Variants in TTC28 observed in about 807,000 individuals in gnomAD.
The protein encoded by TTC28 is tetratricopeptide repeat domain 28.
A neutral mutation model predicts 198.0 loss-of-function variants in TTC28; 61 were observed. The observed-to-expected ratio is 0.31, with a 90% CI of 0.25 to 0.38. The LOEUF (loss-of-function observed/expected upper bound fraction) is 0.38. TTC28 is among the 10% of genes least tolerant of loss of function. TTC28 has a pLI of 1.00. For missense variants in TTC28, 2,678 were observed against 3,164.0 expected (o/e 0.85, Z 3.69); for synonymous variants, 1,171 against 1,297.8 (o/e 0.90, Z 2.10).
In TTC28 at chr22:28,001,493, C is replaced by G. The variant is rs548381923; in HGVS notation, c.4279G>C (p.Gly1427Arg). Residue 1427 changes from glycine (G) to arginine (R), a missense_variant, in exon 15 of 23, where the codon GGG (glycine) becomes CGG (arginine). Physicochemically the swap from Gly to Arg is moderately radical, Grantham distance 125. Around this residue, in one of 8 missense-constraint regions of TTC28, gnomAD observed 727 missense variants for 861.9 expected, o/e 0.84. Transcript: ENST00000397906. ...GCGAAAGGAATGAGGTAGAGCTCCC[C>G]CTCCAGAACCAGGATGAGCTGCCGG... ...RHRQLILVLE[G>R]ELYLIPFALL... 9.2e-4 allele frequency: 1,422 copies of G among 1,551,516 alleles called. 23 individuals are homozygous for G. In the South Asian group the frequency reaches 0.012, roughly 13 times the overall value.
rs543035953 is a variant in TTC28 at position 28,328,495 on chromosome 22, T to A, written c.382-21852A>T. Among the ~76,000 whole-genome samples, 34 of 152,142 alleles carry A rather than the reference T, an allele frequency of 2.2e-4. 1 individual carries two copies. In the Middle Eastern group the frequency reaches 0.014, roughly 61 times the overall value. Reference sequence around the variant, plus strand: ...AGGGCCAGGCGTGATGGCTCACGTCTGTAATCCTAGCACTCTGGGAGGCCG... The same window carrying A: ...AGGGCCAGGCGTGATGGCTCACGTCAGTAATCCTAGCACTCTGGGAGGCCG... On this transcript the variant is annotated intron_variant, in intron 2 of 22. Coordinates refer to ENST00000397906, the MANE Select transcript of TTC28 (RefSeq NM_001145418.2).
At chr22:28,418,711 A>G (rs1230088922) in intron 2 of TTC28, among the ~76,000 whole-genome samples, 1 of 152,194 alleles carries the variant, frequency 6.6e-6, no homozygotes, top group African/African-American at 2.4e-5. Flanking sequence ...ATTTTTATCT[A>G]TTTAACAAAT....
chr22:28,647,815 G>A (rs2051494841), intron 1 of TTC28, among the ~76,000 whole-genome samples: 1 of 151,660 alleles, frequency 6.6e-6, no homozygotes, highest in Non-Finnish European at 1.5e-5. Context: ...CTCCAGCCTG[G>A]GCGACAGAGT....
chr22:28,406,617 C>T (rs1343505598), intron 2 of TTC28, among the ~76,000 whole-genome samples: 5 of 152,148 alleles, frequency 3.3e-5, no homozygotes, highest in Non-Finnish European at 7.4e-5. Context: ...TGAAGTCTGG[C>T]ACTAGTAAAC....
At chr22:28,414,145 T>G (rs1333046011) in intron 2 of TTC28, among the ~76,000 whole-genome samples, 1 of 152,222 alleles carries the variant, frequency 6.6e-6, no homozygotes, top group Non-Finnish European at 1.5e-5. Flanking sequence ...TCATTTCTCT[T>G]CCAAGTAAAA....
At chr22:28,675,769 A>ACACACACC in intron 1 of TTC28, among the ~76,000 whole-genome samples, 1 of 151,278 alleles carries the variant, frequency 6.6e-6, no homozygotes, top group Non-Finnish European at 1.5e-5. Context: ...ACACACACAC[A>ACACACACC]CACACAATGT....
chr22:28,453,276 T>G (rs1300596808), intron 2 of TTC28, among the ~76,000 whole-genome samples: 1 of 152,224 alleles, frequency 6.6e-6, no homozygotes. Flanking sequence ...AGATTTTGTT[T>G]ATATTAAAAC....
At chr22:28,072,834 A>G (rs979394471) in intron 12 of TTC28, among the ~76,000 whole-genome samples, 2 of 152,194 alleles carry the variant, frequency 1.3e-5, no homozygotes, top group Non-Finnish European at 2.9e-5. Context: ...ATAGAGTGGG[A>G]CACACAATGG....
At chr22:28,285,494 G>T (rs950794967) in intron 5 of TTC28, among the ~76,000 whole-genome samples, 1 of 152,056 alleles carries the variant, frequency 6.6e-6, no homozygotes, top group Non-Finnish European at 1.5e-5. Context: ...CACACAGTAT[G>T]GTGACTATCG....
intron 5 of TTC28, among the ~76,000 whole-genome samples, chr22:28,269,983 G>A (rs1012017210): frequency 3.3e-5 from 5 of 152,132 alleles, no homozygotes; most frequent in African/African-American, 9.7e-5. Flanking sequence ...GGGGACCACT[G>A]GTAAGAACTG....
intron 13 of TTC28, among the ~76,000 whole-genome samples, chr22:28,021,622 T>C (rs1427771446): frequency 1.3e-5 from 2 of 152,182 alleles, no homozygotes; most frequent in Non-Finnish European, 2.9e-5. Context: ...CAAGGCCCGA[T>C]AGCAGCTGTG....
intron 12 of TTC28, among the ~76,000 whole-genome samples, chr22:28,045,622 C>T (rs1478187408): frequency 1.3e-5 from 2 of 152,104 alleles, no homozygotes; most frequent in Non-Finnish European, 2.9e-5. Context: ...ATGTGTTTTA[C>T]CTAAGAATTA....
chr22:28,160,528 T>G (rs1480110213), intron 6 of TTC28, among the ~76,000 whole-genome samples: 2 of 152,100 alleles, frequency 1.3e-5, no homozygotes, highest in African/African-American at 2.4e-5. Context: ...CAGGGAAGCC[T>G]AGGAGAGGAG....
chr22:28,053,177 A>T (rs1940152511), intron 12 of TTC28, among the ~76,000 whole-genome samples: 1 of 152,260 alleles, frequency 6.6e-6, no homozygotes, highest in Non-Finnish European at 1.5e-5. Flanking sequence ...TCAGCCTTGA[A>T]AACCAGTCCT....
chr22:27,999,639 C>T lies in TTC28; in HGVS notation c.4399-379G>A, dbSNP rs571129701. 5.4e-5 allele frequency: 11 copies of T among 203,780 alleles called. No individual in the cohort carries two copies. The East Asian group carries it at 1.4e-3, about 25-fold the overall frequency. The allele number at this position is 203,780 out of a possible 1,614,324, so 12.6% of individuals were successfully genotyped here. On this transcript the variant is annotated intron_variant, in intron 15 of 22. Transcript: ENST00000397906. ...CTCCTAAATAAGAGGAAACCCACTC[C>T]TGATAAGTCAGGGGCTTTGAAAAGT...
At chr22:28,114,335 G>A (rs181926852) in intron 6 of TTC28, among the ~76,000 whole-genome samples, 1 of 152,232 alleles carries the variant, frequency 6.6e-6, no homozygotes, top group Non-Finnish European at 1.5e-5. Flanking sequence ...TCCTTCTCAA[G>A]TTTTCACATA....
At chr22:28,382,865 G>A (rs1381514314) in intron 2 of TTC28, among the ~76,000 whole-genome samples, 1 of 152,150 alleles carries the variant, frequency 6.6e-6, no homozygotes, top group East Asian at 1.9e-4. Flanking sequence ...ACTTCAAAAT[G>A]TATGAAACTA....
chr22:28,189,390 G>T (rs1924510166), intron 5 of TTC28, among the ~76,000 whole-genome samples: 1 of 151,938 alleles, frequency 6.6e-6, no homozygotes, highest in Non-Finnish European at 1.5e-5. Context: ...AAAATCCAAA[G>T]AAATCCTAAG....
chr22:27,994,071 T>C (rs1013774777), intron 17 of TTC28, among the ~76,000 whole-genome samples: 2 of 152,234 alleles, frequency 1.3e-5, no homozygotes, highest in Non-Finnish European at 2.9e-5. Context: ...CTGGCACTTC[T>C]ACGCTGAAGT....
Sources: gnomAD v4.1 joint callset for allele counts (sites outside exome capture counted in the v4.1 genomes callset) on GRCh38, gnomAD v4.1.1 for gene constraint, gnomAD v4.1.1 regional missense constraint, MANE v1.5 for transcripts, NCBI Gene and HGNC (gene_info 2026-07-23, HGNC 2026-07-21) for gene names.